Variants in L3MBTL4 observed in about 807,000 individuals in gnomAD.
The protein encoded by L3MBTL4 is L3MBTL histone methyl-lysine binding protein 4.
In L3MBTL4, 70 loss-of-function variants were observed where a neutral mutation model predicts 84.5. The observed-to-expected ratio is 0.83, with a 90% CI of 0.68 to 1.01. The LOEUF (loss-of-function observed/expected upper bound fraction) is 1.01. Ranked by LOEUF, L3MBTL4 falls within the 50% of genes least tolerant of loss-of-function variation. The pLI, the probability that L3MBTL4 is intolerant of heterozygous loss-of-function variation, is 0.00. For missense variants in L3MBTL4, 715 were observed against 754.8 expected (o/e 0.95, Z 0.62); for synonymous variants, 274 against 259.8 (o/e 1.05, Z -0.52).
intron 10 of L3MBTL4, among the ~76,000 whole-genome samples, chr18:6,217,598 T>A (rs2046379773): frequency 6.6e-6 from 1 of 152,204 alleles, no homozygotes; most frequent in Non-Finnish European, 1.5e-5. Flanking sequence ...TCTGGTATAT[T>A]CTTTTTAGTG....
chr18:6,081,038 C>G (rs897346361), intron 15 of L3MBTL4, 87 bp from the exon 16 acceptor site: 8 of 940,398 alleles, frequency 8.5e-6, no homozygotes, highest in Non-Finnish European at 1.1e-5. Flanking sequence ...TAAATAGAAA[C>G]TGCAGGGTAA....
At chr18:6,006,639 T>C (rs1452980363) in intron 16 of L3MBTL4, among the ~76,000 whole-genome samples, 1 of 152,170 alleles carries the variant, frequency 6.6e-6, no homozygotes, top group Non-Finnish European at 1.5e-5. Context: ...GCTCAAATTA[T>C]CAAACCTTCA....
chr18:6,207,563 ACT>A (rs2045926871), intron 12 of L3MBTL4, among the ~76,000 whole-genome samples: 1 of 151,940 alleles, frequency 6.6e-6, no homozygotes, highest in Admixed American at 6.6e-5. Context: ...CTGGTTGAGC[ACT>A]CTCTCTGCTT....
At chr18:6,133,333 T>TCACACACACACACACACACACACACACA (rs71699994) in intron 14 of L3MBTL4, among the ~76,000 whole-genome samples, 1 of 146,694 alleles carries the variant, frequency 6.8e-6, no homozygotes, top group African/African-American at 2.5e-5. Context: ...CAGCTCTAGA[T>TCACACACACACACACACACACACACACA]CACACACACA....
intron 13 of L3MBTL4, among the ~76,000 whole-genome samples, chr18:6,146,983 A>G (rs550361041): frequency 4.6e-5 from 7 of 152,160 alleles, no homozygotes; most frequent in Non-Finnish European, 8.8e-5. Flanking sequence ...GACAGCTTTT[A>G]TGTTCTCGGT....
chr18:6,406,018 G>A (rs1280816971), intron 1 of L3MBTL4, among the ~76,000 whole-genome samples: 2 of 152,160 alleles, frequency 1.3e-5, no homozygotes, highest in African/African-American at 2.4e-5. Flanking sequence ...CTTAGCAGCT[G>A]TCTATATTAC....
intron 1 of L3MBTL4, among the ~76,000 whole-genome samples, chr18:6,381,067 T>C (rs1324403963): frequency 4.6e-5 from 7 of 152,248 alleles, no homozygotes; most frequent in Admixed American, 4.6e-4. Flanking sequence ...TTTACCATTA[T>C]GTAATGGCCT....
At chr18:6,031,811 GTTTTT>G (rs11333960) in intron 16 of L3MBTL4, 9 of 910,472 alleles carry the variant, frequency 9.9e-6, no homozygotes, top group African/African-American at 3.6e-5. Flanking sequence ...CAGATTCATG[GTTTTT>G]TTTTTTTTTT....
At chr18:6,060,166 T>G (rs2057158774) in intron 16 of L3MBTL4, among the ~76,000 whole-genome samples, 2 of 152,190 alleles carry the variant, frequency 1.3e-5, no homozygotes, top group South Asian at 2.1e-4. Context: ...CATACTCTCA[T>G]TATGCCATCA....
intron 5 of L3MBTL4, among the ~76,000 whole-genome samples, chr18:6,255,207 C>G (rs1313702101): frequency 6.6e-6 from 1 of 152,136 alleles, no homozygotes; most frequent in Non-Finnish European, 1.5e-5. Context: ...TTCCAAATGC[C>G]ACCATTTTCC....
At chr18:6,304,215 G>C (rs991579333) in intron 3 of L3MBTL4, among the ~76,000 whole-genome samples, 1 of 151,982 alleles carries the variant, frequency 6.6e-6, no homozygotes, top group Non-Finnish European at 1.5e-5. Flanking sequence ...AGGTATAAAA[G>C]ATAATTTGTA....
In L3MBTL4 at chr18:6,001,411, A is replaced by C. The variant is rs188283459; in HGVS notation, c.1445-31849T>G. ...TCAGAAATGACCTGAGAAGACCTTA[A>C]GTTTACACCTCATGCTGATGTCTGG... is the stretch of plus-strand genomic sequence containing the variant. On this transcript the variant is annotated intron_variant, in intron 16 of 18. Transcript: ENST00000317931. Among the ~76,000 whole-genome samples the C allele has an allele frequency of 1.6e-3, 244 of 152,358 alleles. 2 individuals carry two copies. Among genetic ancestry groups the C allele is most frequent in the Admixed American group, 0.015 (234 of 15,298 alleles).
intron 14 of L3MBTL4, among the ~76,000 whole-genome samples, chr18:6,135,665 A>G (rs1280739144): frequency 6.6e-6 from 1 of 152,180 alleles, no homozygotes; most frequent in Non-Finnish European, 1.5e-5. Context: ...CAAGTTCCTC[A>G]TCTCCATCTG....
rs145763699 is a variant in L3MBTL4, at chr18:6,220,757, C to T, written c.785-4922G>A. ...TTGTTGAATGAATAAAATATATTTC[C>T]TGAAACATTTACATTTTACATTTTG... is the stretch of plus-strand genomic sequence containing the variant. On this transcript the variant is annotated intron_variant, in intron 10 of 18. Coordinates refer to ENST00000317931, the MANE Select transcript of L3MBTL4 (RefSeq NM_001330559.2). Among the ~76,000 whole-genome samples the T allele has an allele frequency of 3.0e-4, 46 of 152,192 alleles. No homozygotes were observed. The East Asian group carries it at 8.5e-3, about 28-fold the overall frequency.
Position 6,032,536 on chromosome 18 carries a change from G to GT in L3MBTL4, c.1444+48344dup, listed in dbSNP as rs530064434. On this transcript the variant is annotated intron_variant, in intron 16 of 18. Transcript: ENST00000317931. ...GTACTGTTGAATTGTTTTTTATCCT[G>GT]TTTTTTTTTTATTGTGGTAAAATAC... Among the ~76,000 whole-genome samples the GT allele has an allele frequency of 9.8e-3, 1,440 of 146,540 alleles. 4 individuals carry two copies. The highest frequency in any genetic ancestry group is 0.011 in the Non-Finnish European group (709 of 66,166).
intron 13 of L3MBTL4, among the ~76,000 whole-genome samples, chr18:6,144,657 C>T (rs1453291826): frequency 1.3e-5 from 2 of 152,220 alleles, no homozygotes; most frequent in Admixed American, 1.3e-4. Context: ...CCCAGCTACA[C>T]ACACCCTCAT....
chr18:6,069,251 C>G (rs184462914), intron 16 of L3MBTL4, among the ~76,000 whole-genome samples: 2 of 152,140 alleles, frequency 1.3e-5, no homozygotes, highest in Non-Finnish European at 2.9e-5. Flanking sequence ...GGGTGTTGTA[C>G]GCAGTGGTGA....
At chr18:6,331,338 A>T (rs2052022085) in intron 1 of L3MBTL4, among the ~76,000 whole-genome samples, 1 of 152,238 alleles carries the variant, frequency 6.6e-6, no homozygotes. Flanking sequence ...CTGAGAGATC[A>T]GAGATCCAAG....
chr18:6,205,264 A>C (rs148887666), intron 12 of L3MBTL4, among the ~76,000 whole-genome samples: 44 of 152,298 alleles, frequency 2.9e-4, no homozygotes, highest in African/African-American at 9.1e-4. Context: ...CCAAGGAGTA[A>C]AGGTGGCCTC....
Sources: allele counts gnomAD v4.1 joint callset (sites outside exome capture counted in the v4.1 genomes callset), GRCh38; gene constraint gnomAD v4.1.1; transcripts MANE v1.5; gene names NCBI Gene and HGNC (gene_info 2026-07-23, HGNC 2026-07-21).